The following IDO2 variants were observed in gnomAD, a reference collection of about 807,000 sequenced individuals.
The protein encoded by IDO2 is indoleamine 2,3-dioxygenase-like 1 protein.
Under a neutral mutation model 45.1 loss-of-function variants are expected in IDO2, and 46 were observed. The ratio of observed to expected loss-of-function variants is 1.02; its 90% CI spans 0.80 to 1.30. The LOEUF (loss-of-function observed/expected upper bound fraction) is 1.30. Among genes scored for constraint, IDO2 ranks in the 50% most tolerant of loss-of-function variants. The pLI is 0.00. For synonymous variants in IDO2, 218 were observed against 184.9 expected (o/e 1.18, Z -1.45); for missense variants, 544 against 491.8 (o/e 1.11, Z -1.00).
chr8:39,934,953 T>G, exon 1 of IDO2: 1 of 620,368 alleles, frequency 1.6e-6, no homozygotes, highest in African/African-American at 1.9e-5. Context: ...TTTGGAAATT[T>G]CAGTCCAGAT....
intron 3 of IDO2, among the ~76,000 whole-genome samples, chr8:39,970,764 CTT>C (rs766122277): frequency 1.4e-4 from 16 of 112,438 alleles, no homozygotes; most frequent in African/African-American, 1.1e-4. Flanking sequence ...CCAACCAGGA[CTT>C]TTTTTTTTTT....
intron 8 of IDO2, among the ~76,000 whole-genome samples, chr8:40,002,265 T>C (rs903759335): frequency 1.3e-5 from 2 of 152,192 alleles, no homozygotes; most frequent in African/African-American, 4.8e-5. Context: ...CACAGTCTTA[T>C]GTCAGATTTT....
At chr8:39,951,062 C>CAAAAT (rs751936046) in intron 2 of IDO2, among the ~76,000 whole-genome samples, 1 of 151,802 alleles carries the variant, frequency 6.6e-6, no homozygotes, top group African/African-American at 2.4e-5. Context: ...CAAAACAAAA[C>CAAAAT]AGCTCTCTAC....
At chr8:39,979,558 G>A (rs1034898869) in intron 4 of IDO2, among the ~76,000 whole-genome samples, 1 of 152,108 alleles carries the variant, frequency 6.6e-6, no homozygotes, top group East Asian at 1.9e-4. Flanking sequence ...TCACCATGTT[G>A]CCCAGGCTGG....
chr8:39,935,482 ACT>A, intron 1 of IDO2, among the ~76,000 whole-genome samples: 1 of 151,652 alleles, frequency 6.6e-6, no homozygotes, highest in East Asian at 1.9e-4. Context: ...ACAGAGTCTC[ACT>A]CTGTTGCCAG....
chr8:39,995,561 G>A (rs1585415974), intron 8 of IDO2, among the ~76,000 whole-genome samples: 1 of 152,068 alleles, frequency 6.6e-6, no homozygotes, highest in South Asian at 2.1e-4. Context: ...GGTGTGGGCG[G>A]CAAGCCACCC....
chr8:39,992,077 T>C (rs937369072), intron 8 of IDO2, among the ~76,000 whole-genome samples: 2 of 152,240 alleles, frequency 1.3e-5, no homozygotes, highest in African/African-American at 4.8e-5. Flanking sequence ...TTGGACTGTG[T>C]TTTCTAAAGA....
At chr8:39,949,723 C>T (rs1440927021) in intron 2 of IDO2, among the ~76,000 whole-genome samples, 3 of 152,168 alleles carry the variant, frequency 2.0e-5, no homozygotes, top group Non-Finnish European at 2.9e-5. Flanking sequence ...TGCAGATCCC[C>T]CCAGGAGCGC....
At chr8:39,961,565 G>C (rs35561428) in intron 2 of IDO2, among the ~76,000 whole-genome samples, 1 of 151,872 alleles carries the variant, frequency 6.6e-6, no homozygotes, top group Non-Finnish European at 1.5e-5. Flanking sequence ...TAGGTGATCC[G>C]CCCTCCTCGG....
At chr8:40,006,416 T>C (rs915487713) in intron 9 of IDO2, among the ~76,000 whole-genome samples, 1 of 152,208 alleles carries the variant, frequency 6.6e-6, no homozygotes, top group East Asian at 1.9e-4. Flanking sequence ...TCAGATGTAT[T>C]AAATGCATTT....
At chr8:39,969,182 G>A (rs1347751105) in intron 3 of IDO2, among the ~76,000 whole-genome samples, 9 of 152,218 alleles carry the variant, frequency 5.9e-5, no homozygotes, top group East Asian at 1.9e-4. Context: ...TTGAAGATTC[G>A]TAGCAACCTT....
intron 7 of IDO2, among the ~76,000 whole-genome samples, chr8:39,988,464 C>T (rs1415291293): frequency 2.6e-5 from 4 of 152,216 alleles, no homozygotes; most frequent in African/African-American, 4.8e-5. Flanking sequence ...TCTGCCTTCG[C>T]TCTGTCGCTC....
intron 8 of IDO2, among the ~76,000 whole-genome samples, chr8:39,992,337 C>A (rs1276304018): frequency 6.6e-6 from 1 of 152,208 alleles, no homozygotes. Context: ...CAAACCACAT[C>A]AAAGAGCCAT....
intron 3 of IDO2, among the ~76,000 whole-genome samples, chr8:39,978,663 C>T (rs1418957303): frequency 6.6e-6 from 1 of 152,092 alleles, no homozygotes; most frequent in Non-Finnish European, 1.5e-5. Flanking sequence ...CGATAGCAAG[C>T]AGGCCACAGT....
intron 1 of IDO2, among the ~76,000 whole-genome samples, chr8:39,944,079 G>A (rs1327283815): frequency 7.0e-6 from 1 of 143,586 alleles, no homozygotes; most frequent in East Asian, 2.1e-4. Context: ...TAATCTGGGA[G>A]CTTCCTGCTT....
chr8:39,970,763 A>ATT (rs1808165347), intron 3 of IDO2, among the ~76,000 whole-genome samples: 1 of 118,650 alleles, frequency 8.4e-6, no homozygotes, highest in African/African-American at 3.6e-5. Context: ...TCCAACCAGG[A>ATT]CTTTTTTTTT....
chr8:39,964,757 A>G (rs1490034752), intron 3 of IDO2, among the ~76,000 whole-genome samples: 1 of 152,266 alleles, frequency 6.6e-6, no homozygotes, highest in African/African-American at 2.4e-5. Context: ...AAATCCAAAA[A>G]TAAGAAAAAA....
chr8:40,015,947 A>G, exon 11 of IDO2: 1 of 359,428 alleles, frequency 2.8e-6, no homozygotes, highest in Admixed American at 4.6e-5. Flanking sequence ...CTGGGGATAC[A>G]TTACTTGTTG....
At chr8:40,013,154 G>A (rs2955893) in intron 9 of IDO2, among the ~76,000 whole-genome samples, 91,159 of 151,978 alleles carry the variant, frequency 0.6, 27,759 homozygotes, top group South Asian at 0.71. Flanking sequence ...TTTACTTGGC[G>A]GAGTTAAAAA....
Sources: allele counts gnomAD v4.1 joint callset (sites outside exome capture counted in the v4.1 genomes callset), GRCh38; gene constraint gnomAD v4.1.1; transcripts MANE v1.5; gene names NCBI Gene and HGNC (gene_info 2026-07-23, HGNC 2026-07-21).